Variants in CPS1 observed in about 807,000 individuals in gnomAD.
CPS1 encodes carbamoyl-phosphate synthase 1, also known as carbamoyl-phosphate synthase [ammonia], mitochondrial.
A neutral mutation model predicts 174.6 loss-of-function variants in CPS1; 109 were observed. The observed-to-expected ratio is 0.62, with a 90% confidence interval of 0.53 to 0.73. The LOEUF (loss-of-function observed/expected upper bound fraction) is 0.73. Among genes scored for constraint, CPS1 ranks in the 30% least tolerant of loss-of-function variants. CPS1 has a pLI of 0.00. For synonymous variants in CPS1, 637 were observed against 632.0 expected, an observed-to-expected ratio of 1.01 and a Z score of -0.12; for missense variants, 1,689 against 1,821.9, an observed-to-expected ratio of 0.93 and a Z score of 1.33.
chr2:210,574,156 G>A (rs1192080298), intron 2 of CPS1, among the ~76,000 whole-genome samples: 2 of 152,024 alleles, frequency 1.3e-5, no homozygotes, highest in Admixed American at 6.6e-5. Context: ...CATCACTTAA[G>A]CTTTTTGAGT....
intron 33 of CPS1, among the ~76,000 whole-genome samples, chr2:210,664,054 A>G (rs549688212): frequency 1.5e-4 from 23 of 152,188 alleles, no homozygotes; most frequent in Non-Finnish European, 2.8e-4. Context: ...GCCAAGTGAG[A>G]CAAGAAGGCA....
Position 210,604,888 on chromosome 2 carries a change from T to C in CPS1, c.1837-214T>C, listed in dbSNP as rs186670094. On this transcript the variant is annotated intron_variant, in intron 16 of 37. Coordinates refer to ENST00000233072, the MANE Select transcript of CPS1 (RefSeq NM_001875.5). ...ATATCAGCACTTTGAATGGCAAGCC[T>C]CAATAATGTAAATCAAGCATATTCA... is the stretch of plus-strand genomic sequence containing the variant. 2.9e-5 allele frequency: 16 copies of C among 559,588 alleles called. No homozygotes were observed. The East Asian group carries it at 4.3e-4, about 15-fold the overall frequency. The allele number at this position is 559,588 out of a possible 1,614,324, so 34.7% of individuals were successfully genotyped here.
At chr2:210,496,255 C>T (rs947509218) in intron 1 of CPS1, among the ~76,000 whole-genome samples, 2 of 151,974 alleles carry the variant, frequency 1.3e-5, no homozygotes, top group Non-Finnish European at 2.9e-5. Context: ...AGGAATGAAA[C>T]CAAAACTGTG....
At chr2:210,509,237 A>G (rs1454123597) in intron 1 of CPS1, among the ~76,000 whole-genome samples, 4 of 152,242 alleles carry the variant, frequency 2.6e-5, no homozygotes, top group Non-Finnish European at 5.9e-5. Context: ...TATGCAAATC[A>G]TTAAACATAA....
chr2:210,624,881 G>C (rs1699648993), intron 21 of CPS1, among the ~76,000 whole-genome samples: 1 of 151,878 alleles, frequency 6.6e-6, no homozygotes, highest in Non-Finnish European at 1.5e-5. Context: ...TTGTATGTTT[G>C]CTAGTTCATA....
chr2:210,538,882 T>C (rs1229662287), intron 1 of CPS1, among the ~76,000 whole-genome samples: 2 of 152,112 alleles, frequency 1.3e-5, no homozygotes, highest in Non-Finnish European at 2.9e-5. Context: ...GATCTTCCTA[T>C]GGGAAAAAAT....
At chr2:210,550,618 A>G (rs774722323) in intron 1 of CPS1, among the ~76,000 whole-genome samples, 3 of 152,142 alleles carry the variant, frequency 2.0e-5, no homozygotes, top group East Asian at 3.9e-4. Flanking sequence ...AGGCAAGATC[A>G]TACTTATCAT....
intron 34 of CPS1, among the ~76,000 whole-genome samples, chr2:210,668,576 G>T (rs544241795): frequency 9.9e-5 from 15 of 152,168 alleles, no homozygotes; most frequent in African/African-American, 3.6e-4. Context: ...TTATTCTTTG[G>T]TTTTGTCTTT....
chr2:210,538,494 C>T (rs1375623040), intron 1 of CPS1, among the ~76,000 whole-genome samples: 18 of 151,822 alleles, frequency 1.2e-4, no homozygotes, highest in African/African-American at 4.4e-4. Context: ...TAATCCTTTA[C>T]TTCATTTTCT....
At chr2:210,578,290 A>T (rs1286420769) in intron 4 of CPS1, among the ~76,000 whole-genome samples, 2 of 151,920 alleles carry the variant, frequency 1.3e-5, no homozygotes, top group Non-Finnish European at 2.9e-5. Context: ...TTGTATTTTT[A>T]GTAGAGACGG....
At chr2:210,557,741 A>T (rs1050204063) in intron 1 of CPS1, among the ~76,000 whole-genome samples, 3 of 152,040 alleles carry the variant, frequency 2.0e-5, no homozygotes, top group African/African-American at 7.2e-5. Flanking sequence ...TAAAATTTGA[A>T]ATAGAAAAAA....
rs1701599358 is a variant in CPS1, at chr2:210,678,336, A to G, written c.*351A>G. 1 of 322,080 alleles carries G rather than the reference A, an allele frequency of 3.1e-6. No individual in the cohort carries two copies. Among genetic ancestry groups the G allele is most frequent in the Non-Finnish European group, 5.9e-6 (1 of 168,400 alleles). The allele number at this position is 322,080 out of a possible 1,614,324, so 20.0% of individuals were successfully genotyped here. The stretch of plus-strand genomic sequence containing the variant: ...CTGTTCTATTTTCTGAACTCTTTCT[A>G]TACTTTAAGATACTCTATTTTTAAA... On this transcript the variant is annotated 3_prime_UTR_variant, in exon 38 of 38. Transcript: ENST00000233072.
upstream of CPS1, chr2:210,555,722 TC>T: frequency 2.2e-6 from 1 of 454,468 alleles, no homozygotes; most frequent in Non-Finnish European, 4.4e-6. Context: ...CTGCAGTACT[TC>T]CTGTTCTACA....
chr2:210,653,860 G>C (rs1035149771), intron 28 of CPS1, among the ~76,000 whole-genome samples, 165 bp from the exon 29 acceptor site: 11 of 152,170 alleles, frequency 7.2e-5, no homozygotes, highest in African/African-American at 2.7e-4. Context: ...GAACAACCTT[G>C]TTCTTACAGC....
intron 33 of CPS1, among the ~76,000 whole-genome samples, chr2:210,666,378 G>C (rs978360396): frequency 6.6e-6 from 1 of 151,142 alleles, no homozygotes; most frequent in Admixed American, 6.6e-5. Context: ...TGCTTTTGGT[G>C]TTTTGGACAT....
intron 18 of CPS1, among the ~76,000 whole-genome samples, 165 bp downstream of exon 18, chr2:210,607,106 C>T (rs959543479): frequency 2.0e-5 from 3 of 151,906 alleles, no homozygotes; most frequent in African/African-American, 7.2e-5. Context: ...TATTAATGAG[C>T]TTGTTGCCAG....
intron 1 of CPS1, among the ~76,000 whole-genome samples, chr2:210,567,153 GCTTTA>G (rs1388272108): frequency 1.3e-5 from 2 of 151,890 alleles, no homozygotes; most frequent in Non-Finnish European, 2.9e-5. Context: ...AAGTGTTAAC[GCTTTA>G]CTTTATCCAA....
intron 34 of CPS1, 118 bp from the exon 35 acceptor site, chr2:210,674,784 A>G (rs1177577199): frequency 2.3e-6 from 2 of 856,638 alleles, no homozygotes; most frequent in Non-Finnish European, 4.0e-6. Context: ...TCATTTTTTA[A>G]TATAAAGCAT....
At chr2:210,668,418 A>G (rs1701178103) in intron 34 of CPS1, 134 bp downstream of exon 34, 1 of 737,534 alleles carries the variant, frequency 1.4e-6, no homozygotes, top group African/African-American at 1.7e-5. Context: ...TTCCAGGAAG[A>G]AGGGACATTT....
Sources: gnomAD v4.1 joint callset for allele counts (sites outside exome capture counted in the v4.1 genomes callset) on GRCh38, gnomAD v4.1.1 for gene constraint, MANE v1.5 for transcripts, NCBI Gene and HGNC (gene_info 2026-07-23, HGNC 2026-07-21) for gene names.